DPCD: variants seen among roughly 807,000 people sequenced by gnomAD.
DPCD encodes protein DPCD.
Under a neutral mutation model 26.4 loss-of-function variants are expected in DPCD, and 20 were observed. The observed-to-expected ratio is 0.76, with a 90% confidence interval of 0.53 to 1.10. DPCD has a LOEUF of 1.10. Among genes scored for constraint, DPCD ranks in the 50% least tolerant of loss-of-function variants. DPCD has a pLI of 0.00. For synonymous variants in DPCD, 97 were observed against 94.2 expected, an observed-to-expected ratio of 1.03 and a Z score of -0.17; for missense variants, 202 against 253.9, an observed-to-expected ratio of 0.80 and a Z score of 1.39.
chr10:101,596,515 T>G (rs1393993125), intron 2 of DPCD: 1 of 152,236 alleles, frequency 6.6e-6, no homozygotes, highest in Non-Finnish European at 1.5e-5. Flanking sequence ...CATGCTTTAG[T>G]CCTCAACAAC....
chr10:101,604,191 G>A (rs116760311), intron 4 of DPCD, among the ~76,000 whole-genome samples: 2,261 of 152,314 alleles, frequency 0.015, 35 homozygotes, highest in African/African-American at 0.042. Context: ...TCATCATTCT[G>A]TCAGGAGGTG....
intron 4 of DPCD, chr10:101,605,073 G>A: frequency 3.2e-6 from 5 of 1,549,358 alleles, no homozygotes; most frequent in Non-Finnish European, 4.4e-6. Context: ...GGGCGACTGT[G>A]GGTGGGGGTG....
At chr10:101,594,848 G>A in intron 2 of DPCD, 110 bp downstream of exon 2, 1 of 1,030,164 alleles carries the variant, frequency 9.7e-7, no homozygotes, top group Non-Finnish European at 1.5e-6. Flanking sequence ...CAAATGTAGA[G>A]GCTGGGAGAG....
chr10:101,593,329 A>G (rs929925830), intron 1 of DPCD, among the ~76,000 whole-genome samples: 3 of 152,184 alleles, frequency 2.0e-5, no homozygotes, highest in Non-Finnish European at 2.9e-5. Context: ...GAGTTTATGC[A>G]GAATACAGAT....
At chr10:101,590,063 G>GAA (rs34473619) in intron 1 of DPCD, among the ~76,000 whole-genome samples, 33 of 117,268 alleles carry the variant, frequency 2.8e-4, no homozygotes, top group African/African-American at 8.5e-4. Flanking sequence ...AAAAAAACTG[G>GAA]AAAAAAAAAA....
intron 2 of DPCD, among the ~76,000 whole-genome samples, chr10:101,598,908 C>T (rs182394119): frequency 6.6e-6 from 1 of 152,286 alleles, no homozygotes; most frequent in East Asian, 1.9e-4. Flanking sequence ...GCATGAGCCA[C>T]CACGCCCGGC....
In DPCD at chr10:101,601,000, GT is replaced by G. The variant is rs1235473341; in HGVS notation, c.270+141del. On this transcript the variant is annotated intron_variant, in intron 3 of 5. Transcript: ENST00000370151. This position sits in a 1 kb window ranked among gnomAD's most constrained non-coding sequence, Gnocchi z 4.7. ...CACCTGGACACAGCACTCTATAAAT[GT>G]TTGTTTGAATGAATACAGACATTTT... 10 of 1,496,168 alleles carry G rather than the reference GT, an allele frequency of 6.7e-6. No homozygotes were observed. In the East Asian group the frequency reaches 2.4e-4, roughly 36 times the overall value. 92.7% of individuals were successfully genotyped at this position (1,496,168 alleles called of 1,614,324 possible). A position where few individuals can be genotyped will look rare whatever the true frequency, so the allele number is the denominator to read the frequency against.
chr10:101,601,390 G>A, intron 4 of DPCD, 54 bp downstream of exon 4: 1 of 1,604,756 alleles, frequency 6.2e-7, no homozygotes, highest in Non-Finnish European at 8.5e-7. Flanking sequence ...GGTGTAGGGT[G>A]GGGTTTGATC....
chr10:101,605,148 G>T, intron 4 of DPCD: 1 of 1,550,564 alleles, frequency 6.4e-7, no homozygotes, highest in Non-Finnish European at 8.7e-7. Flanking sequence ...AGGCGGACTG[G>T]TTGGAGGCTT....
At chr10:101,604,380 G>A (rs1012243230) in intron 4 of DPCD, among the ~76,000 whole-genome samples, 4 of 152,124 alleles carry the variant, frequency 2.6e-5, no homozygotes, top group African/African-American at 7.2e-5. Flanking sequence ...CCTTCACCTG[G>A]AGGTTCCATA....
At chr10:101,609,048 T>C in intron 5 of DPCD, 111 bp downstream of exon 5, 3 of 934,638 alleles carry the variant, frequency 3.2e-6, no homozygotes, top group South Asian at 1.4e-5. Context: ...CCCTAGGGTA[T>C]GCTTGTGGGA....
chr10:101,609,073 A>C (rs1188527497), intron 5 of DPCD, 136 bp downstream of exon 5: 1 of 779,090 alleles, frequency 1.3e-6, no homozygotes, highest in East Asian at 2.5e-5. Flanking sequence ...AGGCATCTCT[A>C]ATTCAGCATG....
At chr10:101,589,874 T>C (rs1040597286) in intron 1 of DPCD, among the ~76,000 whole-genome samples, 1 of 151,538 alleles carries the variant, frequency 6.6e-6, no homozygotes, top group Non-Finnish European at 1.5e-5. Flanking sequence ...ACAGAGTGAG[T>C]GAGACTGTGT....
intron 4 of DPCD, among the ~76,000 whole-genome samples, chr10:101,602,318 A>T (rs2063703940): frequency 6.6e-6 from 1 of 152,178 alleles, no homozygotes; most frequent in South Asian, 2.1e-4. Context: ...CTCCCCTTCC[A>T]TCTCCCTCAG....
chr10:101,590,063 G>GAAAAAAAAA (rs34473619), intron 1 of DPCD, among the ~76,000 whole-genome samples: 3 of 117,264 alleles, frequency 2.6e-5, no homozygotes, highest in Non-Finnish European at 3.6e-5. Flanking sequence ...AAAAAAACTG[G>GAAAAAAAAA]AAAAAAAAAA....
intron 4 of DPCD, 133 bp from the exon 5 acceptor site, chr10:101,608,702 G>T: frequency 1.6e-6 from 1 of 634,638 alleles, no homozygotes. Context: ...TGTTCTAACT[G>T]GTTTCCCTTC....
chr10:101,607,801 A>G (rs1302380798), intron 4 of DPCD, among the ~76,000 whole-genome samples: 9 of 152,212 alleles, frequency 5.9e-5, no homozygotes, highest in Non-Finnish European at 1.3e-4. Flanking sequence ...TGCCTTGCCC[A>G]AGTGACAGGT....
At chr10:101,595,506 G>C (rs2063644295) in intron 2 of DPCD, among the ~76,000 whole-genome samples, 1 of 152,300 alleles carries the variant, frequency 6.6e-6, no homozygotes, top group Middle Eastern at 3.4e-3. Context: ...TCACAGGCTG[G>C]TTTATTTTCT....
intron 3 of DPCD, among the ~76,000 whole-genome samples, 168 bp downstream of exon 3, chr10:101,601,030 T>C (rs2063693077): frequency 6.6e-6 from 1 of 152,104 alleles, no homozygotes. Flanking sequence ...ACATTTTGGC[T>C]TGATCGTCCC....
Sources: allele counts gnomAD v4.1 joint callset (sites outside exome capture counted in the v4.1 genomes callset), GRCh38; gene constraint gnomAD v4.1.1; non-coding constraint Gnocchi (gnomAD v3.1); transcripts MANE v1.5; gene names NCBI Gene and HGNC (gene_info 2026-07-23, HGNC 2026-07-21).